The following UVRAG variants were observed in gnomAD, a reference collection of about 807,000 sequenced individuals.
UVRAG encodes the protein UV radiation resistance associated.
Under a neutral mutation model 78.0 loss-of-function variants are expected in UVRAG, and 19 were observed. The observed-to-expected ratio is 0.24, with a 90% CI of 0.17 to 0.36. The LOEUF (loss-of-function observed/expected upper bound fraction) is 0.36. UVRAG is among the 10% of genes least tolerant of loss of function. UVRAG has a pLI of 1.00. For missense variants in UVRAG, 740 were observed against 853.8 expected, an observed-to-expected ratio of 0.87 and a Z score of 1.66; for synonymous variants, 323 against 324.6, an observed-to-expected ratio of 1.00 and a Z score of 0.05.
Position 76,065,892 on chromosome 11 carries a change from C to A in UVRAG, c.1305+104C>A, listed in dbSNP as rs1951175696. 4.0e-6 allele frequency: 4 copies of A among 993,620 alleles called. 1 individual carries two copies. In the South Asian group the frequency reaches 6.4e-5, roughly 16 times the overall value. The allele number at this position is 993,620 out of a possible 1,614,324, so 61.6% of individuals were successfully genotyped here. A position where few individuals can be genotyped will look rare whatever the true frequency, so the allele number is the denominator to read the frequency against. On this transcript the variant is annotated intron_variant, in intron 13 of 14. Transcript: ENST00000356136. ...AAATATGCACTGCAGTTGACCCTCG[C>A]ATTTAACCAGTTACATTAGTAATAC...
intron 6 of UVRAG, among the ~76,000 whole-genome samples, chr11:75,923,386 C>T (rs1331888291): frequency 6.6e-6 from 1 of 152,086 alleles, no homozygotes; most frequent in Non-Finnish European, 1.5e-5. Flanking sequence ...TACCGTCTCT[C>T]CCAAAATCAT....
intron 12 of UVRAG, among the ~76,000 whole-genome samples, chr11:76,047,293 A>G (rs1441534168): frequency 1.3e-5 from 2 of 152,184 alleles, no homozygotes; most frequent in Non-Finnish European, 2.9e-5. Flanking sequence ...AGCTGTGGCC[A>G]GTGTTGTCCA....
intron 7 of UVRAG, among the ~76,000 whole-genome samples, chr11:75,970,842 A>G (rs1044235564): frequency 3.3e-5 from 5 of 151,972 alleles, no homozygotes; most frequent in African/African-American, 9.7e-5. Flanking sequence ...TACAATTGTT[A>G]TATTGATTAA....
chr11:76,141,449 T>C lies in UVRAG; in HGVS notation c.*36T>C. 6.3e-7 allele frequency: 1 copy of C among 1,582,176 alleles called. No homozygotes were observed. Among genetic ancestry groups the C allele is most frequent in the Non-Finnish European group, 8.6e-7 (1 of 1,161,878 alleles). Reference sequence around the variant, plus strand: ...TCAACAGTAGGACTGGGGCAGAAGCTCTGCCTAAAATGAAGTGAAAGCTGC... The same window carrying C: ...TCAACAGTAGGACTGGGGCAGAAGCCCTGCCTAAAATGAAGTGAAAGCTGC... On this transcript the variant is annotated 3_prime_UTR_variant, in exon 15 of 15. Transcript: ENST00000356136.
At chr11:75,906,539 G>A (rs1947619375) in intron 5 of UVRAG, among the ~76,000 whole-genome samples, 1 of 152,002 alleles carries the variant, frequency 6.6e-6, no homozygotes, top group African/African-American at 2.4e-5. Context: ...GGAGGTACCA[G>A]GTTTTACCAT....
At chr11:76,092,940 GT>G (rs1308863149) in intron 13 of UVRAG, among the ~76,000 whole-genome samples, 1 of 152,120 alleles carries the variant, frequency 6.6e-6, no homozygotes, top group African/African-American at 2.4e-5. Context: ...TATTGCCTAG[GT>G]TTTCTTCTAG....
intron 9 of UVRAG, 141 bp downstream of exon 9, chr11:76,004,230 T>C (rs1482271102): frequency 8.0e-6 from 6 of 754,672 alleles, no homozygotes; most frequent in Non-Finnish European, 1.3e-5. Context: ...TCAACACATA[T>C]TCATTAATTA....
chr11:76,111,984 TGAA>T (rs536944078), intron 13 of UVRAG, among the ~76,000 whole-genome samples: 37 of 118,702 alleles, frequency 3.1e-4, no homozygotes, highest in African/African-American at 1.1e-3. Context: ...GAGGGTAAAA[TGAA>T]GAAGGAGGAG....
intron 14 of UVRAG, among the ~76,000 whole-genome samples, chr11:76,127,231 G>GA (rs1340395745): frequency 6.6e-6 from 1 of 152,142 alleles, no homozygotes; most frequent in Non-Finnish European, 1.5e-5. Flanking sequence ...AAGATGTGTT[G>GA]AAAATGCAAG....
chr11:76,136,698 A>G (rs138290762), intron 14 of UVRAG, among the ~76,000 whole-genome samples: 2,133 of 152,036 alleles, frequency 0.014, 30 homozygotes, highest in Non-Finnish European at 0.02. Context: ...GGGTCTCCCT[A>G]TGTGGCCCAG....
At chr11:76,042,019 A>G (rs1950655939) in intron 12 of UVRAG, among the ~76,000 whole-genome samples, 1 of 152,336 alleles carries the variant, frequency 6.6e-6, no homozygotes, top group Admixed American at 6.5e-5. Context: ...ACAATTTGTC[A>G]GAATCTAGTA....
chr11:76,118,403 G>A (rs973648356), intron 14 of UVRAG, among the ~76,000 whole-genome samples: 5 of 152,064 alleles, frequency 3.3e-5, no homozygotes, highest in African/African-American at 1.2e-4. Context: ...GTCTTACTAT[G>A]TTTTATTACA....
At chr11:75,986,713 C>G (rs145715691) in intron 8 of UVRAG, among the ~76,000 whole-genome samples, 1 of 152,248 alleles carries the variant, frequency 6.6e-6, no homozygotes, top group East Asian at 1.9e-4. Flanking sequence ...TCACCACAAT[C>G]TGATTGTCCT....
At chr11:76,080,548 G>A (rs1219846481) in intron 13 of UVRAG, among the ~76,000 whole-genome samples, 1 of 151,944 alleles carries the variant, frequency 6.6e-6, no homozygotes, top group African/African-American at 2.4e-5. Context: ...CTGAATCCTA[G>A]TGAAGTTTTT....
rs115889995 is a variant in UVRAG at position 75,882,231 on chromosome 11, C to T, written c.432+2191C>T. Among the ~76,000 whole-genome samples the T allele has an allele frequency of 5.4e-3, 827 of 152,104 alleles. 12 individuals carry two copies. The highest frequency in any genetic ancestry group is 0.019 in the African/African-American group (784 of 41,464). On this transcript the variant is annotated intron_variant, in intron 4 of 14. Coordinates refer to ENST00000356136, the MANE Select transcript of UVRAG (RefSeq NM_003369.4). ...CAGGTTAAAAATCTGAAAATCTGGG[C>T]CAGGTGTGGTGGCTCATGCCTGTAA...
At chr11:76,104,450 G>T (rs1464413828) in intron 13 of UVRAG, among the ~76,000 whole-genome samples, 1 of 152,084 alleles carries the variant, frequency 6.6e-6, no homozygotes, top group African/African-American at 2.4e-5. Context: ...GTTGTAGTGA[G>T]GACTTAATGA....
chr11:76,012,795 G>GTT (rs1491469814), intron 11 of UVRAG: 2 of 107,500 alleles, frequency 1.9e-5, no homozygotes, highest in African/African-American at 8.2e-5. Context: ...AAAAAAAAAT[G>GTT]TTTGTGTGTG....
intron 12 of UVRAG, among the ~76,000 whole-genome samples, chr11:76,051,154 T>C (rs1452692077): frequency 6.6e-6 from 1 of 152,184 alleles, no homozygotes; most frequent in Non-Finnish European, 1.5e-5. Flanking sequence ...ATATTTCAAG[T>C]GGTGAATAGG....
At chr11:75,952,957 CTGTTTCTTT>C (rs2135174988) in intron 6 of UVRAG, among the ~76,000 whole-genome samples, 1 of 152,102 alleles carries the variant, frequency 6.6e-6, no homozygotes, top group East Asian at 1.9e-4. Context: ...TTTAGATTTT[CTGTTTCTTT>C]TGTTTGTTTT....
Sources: gnomAD v4.1 joint callset for allele counts (sites outside exome capture counted in the v4.1 genomes callset) on GRCh38, gnomAD v4.1.1 for gene constraint, MANE v1.5 for transcripts, NCBI Gene and HGNC (gene_info 2026-07-23, HGNC 2026-07-21) for gene names.